The following MINK1 variants were observed in gnomAD, a reference collection of about 807,000 sequenced individuals.
MINK1 encodes misshapen like kinase 1.
In MINK1, 46 loss-of-function variants were observed where a neutral mutation model predicts 178.4. The observed-to-expected ratio is 0.26, with a 90% CI of 0.20 to 0.33. The LOEUF (loss-of-function observed/expected upper bound fraction) is 0.33. Among genes scored for constraint, MINK1 ranks in the 10% least tolerant of loss-of-function variants. The pLI, the probability that MINK1 is intolerant of heterozygous loss-of-function variation, is 1.00. For missense variants in MINK1, 1,366 were observed against 1,814.9 expected (o/e 0.75, Z 4.49); for synonymous variants, 797 against 709.7 (o/e 1.12, Z -1.96).
chr17:4,854,153 C>T (rs1382417538), intron 1 of MINK1, among the ~76,000 whole-genome samples: 3 of 152,184 alleles, frequency 2.0e-5, no homozygotes, highest in African/African-American at 2.4e-5. Context: ...ACCATCTGTC[C>T]GTTGCCTTGC....
In MINK1 at chr17:4,894,220, A is replaced by G; in HGVS notation, c.2717A>G (p.Tyr906Cys). The G allele has an allele frequency of 1.2e-6, 2 of 1,613,478 alleles. No homozygotes were observed. Among genetic ancestry groups the G allele is most frequent in the Non-Finnish European group, 1.7e-6 (2 of 1,179,814 alleles). Residue 906 changes from tyrosine (Y) to cysteine (C), a missense_variant, in exon 23 of 32, where the codon TAC (tyrosine) becomes TGC (cysteine). Coordinates refer to ENST00000355280, the MANE Select transcript of MINK1 (RefSeq NM_153827.5). This position sits in a 1 kb window ranked among gnomAD's most constrained non-coding sequence, Gnocchi z 4.1. ...RNLLHADSNG[Y>C]TNLPDVVQPS... ...CTGCTGCATGCTGACAGCAATGGGTACACAAACCTGCCTGACGTGGTCCAG... is the reference window on the plus strand; with the variant it reads ...CTGCTGCATGCTGACAGCAATGGGTGCACAAACCTGCCTGACGTGGTCCAG...
Position 4,894,091 on chromosome 17 carries a change from C to T in MINK1, c.2668C>T (p.Arg890Cys), listed in dbSNP as rs777194032. 22 of 1,593,836 alleles carry T rather than the reference C, an allele frequency of 1.4e-5. No individual in the cohort carries two copies. The highest frequency in any genetic ancestry group is 1.7e-5 in the Admixed American group (1 of 57,400). Residue 890 changes from arginine to cysteine, a missense_variant and splice_region_variant, in exon 22 of 32, where the codon CGC becomes TGC. Physicochemically the swap from Arg to Cys is radical, Grantham distance 180. This residue lies in a region of MINK1 where 709 missense variants were observed against 692.3 expected (regional missense o/e 1.02). Coordinates refer to ENST00000355280, the MANE Select transcript of MINK1 (RefSeq NM_153827.5). This position sits in a 1 kb window ranked among gnomAD's most constrained non-coding sequence, Gnocchi z 4.1. ...CGGGGGCGGCACCATGGTGGTCCAGCGCGTGAGTGAGCCTCTGCTCCCTCC... is the reference window on the plus strand; with the variant it reads ...CGGGGGCGGCACCATGGTGGTCCAGTGCGTGAGTGAGCCTCTGCTCCCTCC... ...PYGGGTMVVQ[R>C]TPEEERNLLH...
chr17:4,846,219 G>A (rs1911002556), intron 1 of MINK1, among the ~76,000 whole-genome samples: 1 of 152,228 alleles, frequency 6.6e-6, no homozygotes, highest in South Asian at 2.1e-4. Context: ...GCAGAAGCCT[G>A]CAGTGCAAAA....
chr17:4,891,862 C>G, intron 16 of MINK1, 146 bp downstream of exon 16: 2 of 1,228,280 alleles, frequency 1.6e-6, no homozygotes, highest in South Asian at 3.2e-5. Context: ...GGTCAGCCGT[C>G]CAGCTGAGGA....
rs917680129 is a variant in MINK1 at position 4,850,520 on chromosome 17, C to CA, written c.57+16880_57+16881insA. On this transcript the variant is annotated intron_variant, in intron 1 of 31. Coordinates refer to ENST00000355280, the MANE Select transcript of MINK1 (RefSeq NM_153827.5). ...CAGTCCTTCCTCCCCTTCCTGCTGG[C>CA]CCCCCCCGCCCTCTACCTGTTCTTC... Among the ~76,000 whole-genome samples, 18 of 20,060 alleles carry CA rather than the reference C, an allele frequency of 9.0e-4. 1 individual carries two copies. Among genetic ancestry groups the CA allele is most frequent in the Non-Finnish European group, 2.9e-3 (13 of 4,480 alleles). The allele number at this position is 20,060 out of a possible 152,430, so 13.2% of individuals were successfully genotyped here.
intron 1 of MINK1, among the ~76,000 whole-genome samples, chr17:4,840,040 A>G (rs866337963): frequency 6.6e-6 from 1 of 152,066 alleles, no homozygotes; most frequent in South Asian, 2.1e-4. Context: ...GTGGGCACAT[A>G]TAACAAGAGT....
chr17:4,892,485 AG>A lies in MINK1; in HGVS notation c.2172del (p.Gln724HisfsTer82), dbSNP rs1567617998. ...GTPKPPGPPA[Q>X]PPGPPNASSN... ...CCAAAGCCTCCAGGGCCCCCTGCTCAGCCCCCTGGCCCGCCCAACGCCTCTA... is the reference window on the plus strand; with the variant it reads ...CCAAAGCCTCCAGGGCCCCCTGCTCACCCCCTGGCCCGCCCAACGCCTCTA... On this transcript the variant is annotated frameshift_variant, in exon 18 of 32. Transcript: ENST00000355280. LOFTEE classifies it high-confidence loss of function. The A allele has an allele frequency of 6.4e-7, 1 of 1,562,710 alleles. No individual in the cohort carries two copies. The highest frequency in any genetic ancestry group is 8.7e-7 in the Non-Finnish European group (1 of 1,154,318).
At position 4,891,613 on chromosome 17, in the gene MINK1, G is replaced by C; in HGVS notation, c.1898G>C (p.Arg633Pro). Residue 633 changes from arginine to proline, a missense_variant, in exon 16 of 32, where the codon CGA becomes CCA. Arg to Pro is a moderately radical substitution (Grantham distance 103). Transcript: ENST00000355280. ...GCACCCACTGCCACGCCCAGTGCCC[G>C]AGGAGCTGTCATCCGCCAGAATTCA... ...IPAPTATPSA[R>P]GAVIRQNSDP... is the part of the protein sequence containing the mutation. 1 of 1,602,874 alleles carries C rather than the reference G, an allele frequency of 6.2e-7. No homozygotes were observed. Among genetic ancestry groups the C allele is most frequent in the Non-Finnish European group, 8.5e-7 (1 of 1,175,326 alleles).
Position 4,894,320 on chromosome 17 carries a change from GCC to G in MINK1, c.2808+10_2808+11del. The stretch of plus-strand genomic sequence containing the variant: ...AGGATGGGAGTGGTGACGTAAGTGG[GCC>G]GGAGGCAGGTCCGCCGGGAGAGAAG... On this transcript the variant is annotated intron_variant, in intron 23 of 31. Transcript: ENST00000355280. The surrounding 1 kb of genome is among the most constrained non-coding windows in gnomAD (Gnocchi z 4.1). 6.2e-7 allele frequency: 1 copy of G among 1,610,236 alleles called. No individual in the cohort carries two copies. Among genetic ancestry groups the G allele is most frequent in the Non-Finnish European group, 8.5e-7 (1 of 1,178,898 alleles).
At position 4,891,646 on chromosome 17, in the gene MINK1, C is replaced by T. The variant is rs755388943; in HGVS notation, c.1931C>T (p.Thr644Ile). The T allele has an allele frequency of 5.6e-6, 9 of 1,601,116 alleles. No individual in the cohort carries two copies. Among genetic ancestry groups the T allele is most frequent in the African/African-American group, 1.3e-5 (1 of 74,678 alleles). Residue 644 changes from threonine (T) to isoleucine (I), a missense_variant, in exon 16 of 32, where the codon ACC (threonine) becomes ATC (isoleucine). By Grantham distance (89) the Thr-to-Ile change is moderately conservative (BLOSUM62 -1). Coordinates refer to ENST00000355280, the MANE Select transcript of MINK1 (RefSeq NM_153827.5). ...GAVIRQNSDP[T>I]SEGPGPSPNP... ...GTCATCCGCCAGAATTCAGACCCCA[C>T]CTCTGAAGGACCTGGCCCCAGCCCG...
At position 4,893,010 on chromosome 17, in the gene MINK1, C is replaced by T; in HGVS notation, c.2343C>T (p.Leu781=). 1 of 1,579,856 alleles carries T rather than the reference C, an allele frequency of 6.3e-7. No homozygotes were observed. The highest frequency in any genetic ancestry group is 8.6e-7 in the Non-Finnish European group (1 of 1,164,426). ...CCAAACCGGACAGCTCCCCTGTGCT[C>T]TCCCCTGGGAATAAAGCCAAGCCCG... is the stretch of plus-strand genomic sequence containing the variant. ...VSSKPDSSPV[L]SPGNKAKPDD... The change falls in exon 20 of 32, where the codon CTC becomes CTT. Residue 781 remains leucine, a synonymous_variant. Transcript: ENST00000355280.
At chr17:4,888,679 C>G (rs1353551754) in intron 12 of MINK1, among the ~76,000 whole-genome samples, 2 of 140,998 alleles carry the variant, frequency 1.4e-5, no homozygotes, top group African/African-American at 5.3e-5. Flanking sequence ...AGTATAGTAA[C>G]AAAGTCCTAT....
In MINK1 at chr17:4,892,753, C is replaced by T. The variant is rs753449149; in HGVS notation, c.2296C>T (p.Arg766Trp). The T allele has an allele frequency of 6.8e-6, 11 of 1,609,454 alleles. No homozygotes were observed. Among genetic ancestry groups the T allele is most frequent in the African/African-American group, 4.0e-5 (3 of 75,020 alleles). The change falls in exon 19 of 32, where the codon CGG (arginine) becomes TGG (tryptophan). Residue 766 changes from arginine (R) to tryptophan (W), a missense_variant. By Grantham distance (101) the Arg-to-Trp change is moderately radical. This residue lies in a region of MINK1 where 709 missense variants were observed against 692.3 expected (regional missense o/e 1.02). Coordinates refer to ENST00000355280, the MANE Select transcript of MINK1 (RefSeq NM_153827.5). ...GHLPQAGSLE[R>W]NRVGVSSKPD... ...CCTCCCCCAGGCTGGCTCACTGGAG[C>T]GGAACCGCGTGGGAGGTATGTGAGC... is the stretch of plus-strand genomic sequence containing the variant.
chr17:4,866,250 G>A (rs571062996), intron 1 of MINK1, among the ~76,000 whole-genome samples: 3 of 152,140 alleles, frequency 2.0e-5, no homozygotes, highest in South Asian at 2.1e-4. Context: ...GATGGATCAC[G>A]AGGTCAGGAG....
chr17:4,834,590 C>A (rs1342726968), intron 1 of MINK1, among the ~76,000 whole-genome samples: 2 of 152,176 alleles, frequency 1.3e-5, no homozygotes, highest in African/African-American at 4.8e-5. Flanking sequence ...GGGGCACTTA[C>A]ACACTCTGGT....
chr17:4,893,349 G>A (rs201288883), intron 20 of MINK1, 85 bp from the exon 21 acceptor site: 15 of 1,613,150 alleles, frequency 9.3e-6, no homozygotes, highest in Middle Eastern at 1.6e-4. Flanking sequence ...CCCTCCTGTC[G>A]CCCTGCTGGG....
At position 4,886,962 on chromosome 17, in the gene MINK1, C is replaced by T. The variant is rs374527345; in HGVS notation, c.950-148C>T. 527 of 756,892 alleles carry T rather than the reference C, an allele frequency of 7.0e-4. No homozygotes were observed. The highest frequency in any genetic ancestry group is 4.2e-3 in the East Asian group (154 of 37,098). 46.9% of individuals were successfully genotyped at this position (756,892 alleles called of 1,614,324 possible). The stretch of plus-strand genomic sequence containing the variant: ...CCTGTCCAGGCCCACACCTGAGACC[C>T]GCTGTCCTCCCATTGCCCCCAGGAA... On this transcript the variant is annotated intron_variant, in intron 10 of 31. Coordinates refer to ENST00000355280, the MANE Select transcript of MINK1 (RefSeq NM_153827.5). The surrounding 1 kb of genome is among the most constrained non-coding windows in gnomAD (Gnocchi z 6.1).
At position 4,892,398 on chromosome 17, in the gene MINK1, A is replaced by C. The variant is rs1183984873; in HGVS notation, c.2088-4A>C. On this transcript the variant is annotated splice_region_variant and splice_polypyrimidine_tract_variant and intron_variant, in intron 17 of 31. Transcript: ENST00000355280. The stretch of plus-strand genomic sequence containing the variant: ...CCCTCGGCACCCCTGTGCTCCCTTC[A>C]CAGACCTCGCAGCAACTCCGCCTGG... 1.3e-6 allele frequency: 2 copies of C among 1,519,016 alleles called. No individual in the cohort carries two copies. The highest frequency in any genetic ancestry group is 2.5e-5 in the East Asian group (1 of 39,934). The allele number at this position is 1,519,016 out of a possible 1,614,324, so 94.1% of individuals were successfully genotyped here.
At position 4,886,950 on chromosome 17, in the gene MINK1, AC is replaced by A. The variant is rs1204120586; in HGVS notation, c.950-159del. Among the ~76,000 whole-genome samples, 1 of 152,194 alleles carries A rather than the reference AC, an allele frequency of 6.6e-6. No individual in the cohort carries two copies. Among genetic ancestry groups the A allele is most frequent in the Non-Finnish European group, 1.5e-5 (1 of 68,026 alleles). ...CCCAGTCCCGGTCCTGTCCAGGCCC[AC>A]ACCTGAGACCCGCTGTCCTCCCATT... On this transcript the variant is annotated intron_variant, in intron 10 of 31. Coordinates refer to ENST00000355280, the MANE Select transcript of MINK1 (RefSeq NM_153827.5). The surrounding 1 kb of genome is among the most constrained non-coding windows in gnomAD (Gnocchi z 6.1).
Sources: allele counts gnomAD v4.1 joint callset (sites outside exome capture counted in the v4.1 genomes callset), GRCh38; gene constraint gnomAD v4.1.1; regional missense constraint gnomAD v4.1.1; non-coding constraint Gnocchi (gnomAD v3.1); transcripts MANE v1.5; gene names NCBI Gene and HGNC (gene_info 2026-07-23, HGNC 2026-07-21).